The following HK1 variants were observed in gnomAD, a reference collection of about 807,000 sequenced individuals.
HK1 encodes hexokinase-1.
In HK1, 28 loss-of-function variants were observed where a neutral mutation model predicts 91.6. The observed-to-expected ratio is 0.31, with a 90% CI of 0.23 to 0.42. HK1 has a LOEUF of 0.42. Among genes scored for constraint, HK1 ranks in the 10% least tolerant of loss-of-function variants. The pLI is 1.00. For synonymous variants in HK1, 430 were observed against 468.1 expected, an observed-to-expected ratio of 0.92 and a Z score of 1.05; for missense variants, 770 against 1,219.8, an observed-to-expected ratio of 0.63 and a Z score of 5.49.
At chr10:69,341,901 A>G (rs1337057433) in intron 1 of HK1, among the ~76,000 whole-genome samples, 2 of 152,030 alleles carry the variant, frequency 1.3e-5, no homozygotes, top group African/African-American at 2.4e-5. Flanking sequence ...GTTGGCAGAC[A>G]TTTTGGGAGG....
chr10:69,363,083 C>T (rs948846729), intron 3 of HK1, among the ~76,000 whole-genome samples: 7 of 152,182 alleles, frequency 4.6e-5, no homozygotes, highest in Non-Finnish European at 8.8e-5. Context: ...GGCAGCTGGC[C>T]TTGTCTGGGA....
At chr10:69,396,264 C>G (rs1489046640) in intron 16 of HK1, among the ~76,000 whole-genome samples, 2 of 124,882 alleles carry the variant, frequency 1.6e-5, no homozygotes, top group African/African-American at 6.2e-5. Context: ...GAGACAGACT[C>G]TGTCTCAAAA....
At chr10:69,331,441 T>C (rs996462605) in intron 1 of HK1, among the ~76,000 whole-genome samples, 3 of 152,254 alleles carry the variant, frequency 2.0e-5, no homozygotes, top group African/African-American at 7.2e-5. Flanking sequence ...GTGTCCAGAA[T>C]AGTAGGCGCC....
At chr10:69,400,889 A>G in intron 17 of HK1, 102 bp from the exon 18 acceptor site, 2 of 1,256,936 alleles carry the variant, frequency 1.6e-6, no homozygotes, top group Non-Finnish European at 2.3e-6. Flanking sequence ...TCCTAAGTCG[A>G]ATCATCACCA....
At chr10:69,376,685 C>T (rs542295542) in intron 7 of HK1, among the ~76,000 whole-genome samples, 1 of 152,282 alleles carries the variant, frequency 6.6e-6, no homozygotes, top group Admixed American at 6.5e-5. Flanking sequence ...CCTGCCTGCT[C>T]CTGCCCATGG....
intron 1 of HK1, among the ~76,000 whole-genome samples, chr10:69,326,399 G>A (rs1847381747): frequency 6.6e-6 from 1 of 152,146 alleles, no homozygotes; most frequent in Non-Finnish European, 1.5e-5. Flanking sequence ...TGCCTTGTGT[G>A]TTGCAGACAG....
intron 5 of HK1, among the ~76,000 whole-genome samples, chr10:69,301,072 C>A (rs1380898313): frequency 6.6e-6 from 1 of 151,634 alleles, no homozygotes; most frequent in Non-Finnish European, 1.5e-5. Context: ...CTGGTGAAAC[C>A]CAGTCTCTAC....
intron 3 of HK1, among the ~76,000 whole-genome samples, chr10:69,362,880 G>C (rs896027080): frequency 6.6e-6 from 1 of 152,226 alleles, no homozygotes; most frequent in Non-Finnish European, 1.5e-5. Context: ...CTCAGCCTAA[G>C]ATGCCAGCTG....
intron 1 of HK1, among the ~76,000 whole-genome samples, chr10:69,336,824 G>A (rs1848017259): frequency 6.6e-6 from 1 of 151,482 alleles, no homozygotes; most frequent in Non-Finnish European, 1.5e-5. Flanking sequence ...TGTATTTTTA[G>A]TAGAGTTGGG....
chr10:69,382,683 A>G lies in HK1; in HGVS notation c.1462A>G (p.Lys488Glu). 6.2e-7 allele frequency: 1 copy of G among 1,613,856 alleles called. No individual in the cohort carries two copies. The highest frequency in any genetic ancestry group is 1.1e-5 in the South Asian group (1 of 90,972). ...HLTKDMLLEV[K>E]KRMRAEMELG... ...CACCAAGGACATGCTGCTGGAGGTG[A>G]AGAAGAGGATGCGGGCCGAGATGGA... Residue 488 changes from lysine (K) to glutamate (E), a missense_variant, in exon 10 of 18, where the codon AAG (lysine) becomes GAG (glutamate). This residue lies in a region of HK1 where 449 missense variants were observed against 665.1 expected (regional missense o/e 0.68). Coordinates refer to ENST00000359426, the MANE Select transcript of HK1 (RefSeq NM_000188.3).
At position 69,386,371 on chromosome 10, in the gene HK1, G is replaced by A; in HGVS notation, c.1888G>A (p.Gly630Ser). 1.9e-6 allele frequency: 3 copies of A among 1,614,102 alleles called. No homozygotes were observed. The highest frequency in any genetic ancestry group is 1.1e-5 in the South Asian group (1 of 91,070). Residue 630 changes from glycine (G) to serine (S), a missense_variant, in exon 13 of 18, where the codon GGC (glycine) becomes AGC (serine). Gly to Ser is a moderately conservative substitution (Grantham distance 56, BLOSUM62 0). Around this residue, in one of 7 missense-constraint regions of HK1, gnomAD observed 152 missense variants for 211.1 expected, o/e 0.72. Coordinates refer to ENST00000359426, the MANE Select transcript of HK1 (RefSeq NM_000188.3). ...GGGTTTTAAGGCAACAGACTGCGTGGGCCACGATGTAGTCACCTTACTAAG... is the reference window on the plus strand; with the variant it reads ...GGGTTTTAAGGCAACAGACTGCGTGAGCCACGATGTAGTCACCTTACTAAG... ...TKGFKATDCV[G>S]HDVVTLLRDA...
At chr10:69,319,080 C>T (rs1846847057) in intron 1 of HK1, 70 bp downstream of exon 1, 1 of 1,525,060 alleles carries the variant, frequency 6.6e-7, no homozygotes, top group Non-Finnish European at 8.9e-7. Flanking sequence ...TCGCCGCCTC[C>T]GCTGCCTCCA....
In HK1 at chr10:69,400,972, G is replaced by C; in HGVS notation, c.2610-19G>C. The C allele has an allele frequency of 6.2e-7, 1 of 1,614,184 alleles. No individual in the cohort carries two copies. The highest frequency in any genetic ancestry group is 8.5e-7 in the Non-Finnish European group (1 of 1,180,034). ...TCTCATCTTCCTCCAACTACCTTCT[G>C]TTTTCTCGTCCTTTTTAGCTTCTCC... On this transcript the variant is annotated intron_variant, in intron 17 of 17. Coordinates refer to ENST00000359426, the MANE Select transcript of HK1 (RefSeq NM_000188.3).
At chr10:69,273,133 C>A (rs1180379439) in intron 1 of HK1, among the ~76,000 whole-genome samples, 1 of 151,082 alleles carries the variant, frequency 6.6e-6, no homozygotes, top group East Asian at 1.9e-4. Flanking sequence ...TGGGTTCAAG[C>A]AATTCTCCTG....
At chr10:69,316,068 G>A (rs946770420), upstream of HK1, 3 of 1,426,296 alleles carry the variant, frequency 2.1e-6, no homozygotes, top group African/African-American at 1.4e-5. Context: ...GATGAGAGGG[G>A]ATGCTTGGTC....
At chr10:69,311,741 AT>A, upstream of HK1, among the ~76,000 whole-genome samples, 1 of 152,084 alleles carries the variant, frequency 6.6e-6, no homozygotes, top group South Asian at 2.1e-4. Flanking sequence ...GGTTCAAGCA[AT>A]TCTCCTGCCT....
chr10:69,367,662 C>T (rs948061903), intron 4 of HK1, among the ~76,000 whole-genome samples: 1 of 152,056 alleles, frequency 6.6e-6, no homozygotes, highest in Non-Finnish European at 1.5e-5. Flanking sequence ...TGAGCTGGGG[C>T]GGGGCCCATG....
rs1429813289 is a variant in HK1, at chr10:69,289,028, C to T, written c.-115+258C>T. Reference sequence around the variant, plus strand: ...CTCAAACTCCTGACCTCAGGTGATCCGCCCACCTCGGCCTCCCAAAGTGCT... The same window carrying T: ...CTCAAACTCCTGACCTCAGGTGATCTGCCCACCTCGGCCTCCCAAAGTGCT... On this transcript the variant is annotated intron_variant, in intron 3 of 21. Coordinates refer to the HK1 transcript ENST00000360289. 3.9e-5 allele frequency among the ~76,000 whole-genome samples: 6 copies of T among 152,196 alleles called. No homozygotes were observed. In the East Asian group the frequency reaches 5.8e-4, roughly 15 times the overall value.
At chr10:69,393,223 C>T (rs1163371235) in intron 15 of HK1, among the ~76,000 whole-genome samples, 5 of 152,068 alleles carry the variant, frequency 3.3e-5, no homozygotes, top group Admixed American at 1.3e-4. Context: ...TCAGGTGATC[C>T]GCCTGTCTAG....
Sources: gnomAD v4.1 joint callset for allele counts (sites outside exome capture counted in the v4.1 genomes callset) on GRCh38, gnomAD v4.1.1 for gene constraint, gnomAD v4.1.1 regional missense constraint, MANE v1.5 for transcripts, NCBI Gene and HGNC (gene_info 2026-07-23, HGNC 2026-07-21) for gene names.